POLE: variants seen among roughly 807,000 people sequenced by gnomAD.
POLE encodes DNA polymerase epsilon catalytic subunit A.
A neutral mutation model predicts 279.2 loss-of-function variants in POLE; 188 were observed. The ratio of observed to expected loss-of-function variants is 0.67; its 90% confidence interval spans 0.60 to 0.76. The LOEUF (loss-of-function observed/expected upper bound fraction) is 0.76, where lower values mean the gene tolerates loss of function less well. Ranked by LOEUF, POLE falls within the 30% of genes least tolerant of loss-of-function variation. The pLI, the probability that POLE is intolerant of heterozygous loss-of-function variation, is 0.00. For synonymous variants in POLE, 1,214 were observed against 1,172.5 expected, an observed-to-expected ratio of 1.04 and a Z score of -0.72; for missense variants, 2,703 against 3,016.7, an observed-to-expected ratio of 0.90 and a Z score of 2.44.
intron 14 of POLE, 33 bp downstream of exon 14, chr12:132,673,131 G>A: frequency 2.2e-6 from 3 of 1,373,362 alleles, no homozygotes; most frequent in Non-Finnish European, 1.0e-6. Flanking sequence ...GGGCTGAGGA[G>A]GCCAGGGTGC....
chr12:132,667,866 G>C (rs1003496947), intron 19 of POLE, among the ~76,000 whole-genome samples: 1 of 152,116 alleles, frequency 6.6e-6, no homozygotes, highest in Non-Finnish European at 1.5e-5. Context: ...CGGATCACTT[G>C]AGCCCAGGAG....
At position 132,639,361 on chromosome 12, in the gene POLE, C is replaced by A. The variant is rs986717247; in HGVS notation, c.5379-63G>T. ...CCTCCCACGCTGCTGCCACGCGGGA[C>A]GCTCCAACTGAAATGGGCACAGGTT... On this transcript the variant is annotated intron_variant, in intron 39 of 48. Coordinates refer to ENST00000320574, the MANE Select transcript of POLE (RefSeq NM_006231.4). This position sits in a 1 kb window ranked among gnomAD's most constrained non-coding sequence, Gnocchi z 4.7. The A allele has an allele frequency of 4.7e-6, 7 of 1,498,856 alleles. No individual in the cohort carries two copies. The highest frequency in any genetic ancestry group is 6.4e-6 in the Non-Finnish European group (7 of 1,089,134). The allele number at this position is 1,498,856 out of a possible 1,614,324, so 92.8% of individuals were successfully genotyped here.
chr12:132,674,199 GAA>G, intron 12 of POLE, among the ~76,000 whole-genome samples: 1 of 104,032 alleles, frequency 9.6e-6, no homozygotes, highest in Non-Finnish European at 1.8e-5. Context: ...ATTAAGAAAA[GAA>G]GGCCCCCCAC....
intron 26 of POLE, among the ~76,000 whole-genome samples, 180 bp downstream of exon 26, chr12:132,659,115 A>T (rs2042618605): frequency 6.6e-6 from 1 of 152,122 alleles, no homozygotes; most frequent in Non-Finnish European, 1.5e-5. Context: ...CACTTATGCC[A>T]TCCCCAAACT....
In POLE at chr12:132,663,988, G is replaced by A; in HGVS notation, c.2706+16C>T. 6.2e-7 allele frequency: 1 copy of A among 1,613,558 alleles called. No homozygotes were observed. The highest frequency in any genetic ancestry group is 8.5e-7 in the Non-Finnish European group (1 of 1,179,978). On this transcript the variant is annotated intron_variant, in intron 23 of 48. Transcript: ENST00000320574. ...CAGGCCAGCCAGAGCTTCAGGACCA[G>A]AGGCCCCAGACTCACCTTGACCATG...
rs202102690 is a variant in POLE, at chr12:132,679,978, A to G, written c.399T>C (p.Thr133=). The G allele has an allele frequency of 2.5e-6, 4 of 1,613,636 alleles. No individual in the cohort carries two copies. Among genetic ancestry groups the G allele is most frequent in the East Asian group, 2.2e-5 (1 of 44,888 alleles). Residue 133 remains threonine (T), a synonymous_variant, in exon 5 of 49, where the codon ACT becomes ACC. Transcript: ENST00000320574. ...KFQGKIAKVE[T]VPKEDLDLPN... ...CCAAGTCCAGATCCTCTTTGGGGACAGTCTCCACTTTTGCAATTTTGCCCT... is the reference window on the plus strand; with the variant it reads ...CCAAGTCCAGATCCTCTTTGGGGACGGTCTCCACTTTTGCAATTTTGCCCT...
rs2135975832 is a variant in POLE at position 132,668,458 on chromosome 12, C to G, written c.2071G>C (p.Glu691Gln). The G allele has an allele frequency of 6.2e-7, 1 of 1,611,472 alleles. No homozygotes were observed. Among genetic ancestry groups the G allele is most frequent in the Non-Finnish European group, 8.5e-7 (1 of 1,178,636 alleles). Residue 691 changes from glutamate to glutamine, a missense_variant, in exon 19 of 49, where the codon GAG becomes CAG. By Grantham distance (29) the Glu-to-Gln change is conservative. Around this residue, in one of 5 missense-constraint regions of POLE, gnomAD observed 1,011 missense variants for 1,111.7 expected, o/e 0.91. Transcript: ENST00000320574. The surrounding 1 kb of genome is among the most constrained non-coding windows in gnomAD (Gnocchi z 4.0). ...SEYHRIQHQL[E>Q]SEKFPPLFPE... ...AACAAGGGGGGGAACTTCTCTGACT[C>G]CAGCTGGTGCTGGATCCGATGGTAT...
At chr12:132,659,986 T>C (rs2042642787) in intron 25 of POLE, 1 of 171,124 alleles carries the variant, frequency 5.8e-6, no homozygotes, top group South Asian at 1.4e-4. Flanking sequence ...CCACCACGCC[T>C]GGCTTGGCTT....
At position 132,624,136 on chromosome 12, in the gene POLE, T is replaced by G; in HGVS notation, c.*561A>C. 1 of 213,744 alleles carries G rather than the reference T, an allele frequency of 4.7e-6. No individual in the cohort carries two copies. The highest frequency in any genetic ancestry group is 9.4e-6 in the Non-Finnish European group (1 of 105,958). 13.2% of individuals were successfully genotyped at this position (213,744 alleles called of 1,614,324 possible). A position where few individuals can be genotyped will look rare whatever the true frequency, so the allele number is the denominator to read the frequency against. ...CAGGGCTCACAAGCCAAAATCCAGA[T>G]TCTCACGGGTTAGGGTCTGGATTCC... On this transcript the variant is annotated 3_prime_UTR_variant, in exon 49 of 49. Transcript: ENST00000320574.
chr12:132,675,666 C>T lies in POLE; in HGVS notation c.1106+69G>A. The T allele has an allele frequency of 1.3e-6, 2 of 1,563,880 alleles. No individual in the cohort carries two copies. Among genetic ancestry groups the T allele is most frequent in the Non-Finnish European group, 1.8e-6 (2 of 1,135,466 alleles). On this transcript the variant is annotated intron_variant, in intron 11 of 48. Coordinates refer to ENST00000320574, the MANE Select transcript of POLE (RefSeq NM_006231.4). The surrounding 1 kb of genome is among the most constrained non-coding windows in gnomAD (Gnocchi z 4.3). ...ACCTCCTAAGTCGACATGGGAAGCG[C>T]CCCTGCACCACGCAACGCCCTCCCT...
chr12:132,646,291 C>G (rs2042282075), intron 32 of POLE, among the ~76,000 whole-genome samples: 1 of 152,026 alleles, frequency 6.6e-6, no homozygotes, highest in Admixed American at 6.6e-5. Flanking sequence ...CAAGAGCACC[C>G]TCCCGGGTGA....
In POLE at chr12:132,642,726, C is replaced by A; in HGVS notation, c.4732G>T (p.Glu1578Ter). The change falls in exon 37 of 49, where the codon GAG becomes TAG. Residue 1578 changes from glutamate to a stop codon, truncating the protein, a stop_gained. Coordinates refer to ENST00000320574, the MANE Select transcript of POLE (RefSeq NM_006231.4). LOFTEE classifies it high-confidence loss of function. Reference sequence around the variant, plus strand: ...GCGATGAGTGTGGGCCCCCGGCGCTCCTCCTGGGTCAAGGCAAAATGGAAG... The same window carrying A: ...GCGATGAGTGTGGGCCCCCGGCGCTACTCCTGGGTCAAGGCAAAATGGAAG... ...IQRFLLAYKE[E>*]RRGPTLIAVQ... 2 of 1,613,420 alleles carry A rather than the reference C, an allele frequency of 1.2e-6. No individual in the cohort carries two copies. Among genetic ancestry groups the A allele is most frequent in the East Asian group, 4.5e-5 (2 of 44,864 alleles).
At chr12:132,625,243 C>G in intron 47 of POLE, 1 of 728,554 alleles carries the variant, frequency 1.4e-6, no homozygotes. Context: ...TCCTCCAGGC[C>G]CTGCTCACTC....
intron 31 of POLE, 92 bp downstream of exon 31, chr12:132,649,214 C>A: frequency 2.6e-6 from 4 of 1,512,244 alleles, no homozygotes; most frequent in Non-Finnish European, 3.6e-6. Flanking sequence ...CCCACTCTAA[C>A]CCTCCCATCC....
chr12:132,624,358 G>A lies in POLE; in HGVS notation c.*339C>T. On this transcript the variant is annotated 3_prime_UTR_variant, in exon 49 of 49. Coordinates refer to ENST00000320574, the MANE Select transcript of POLE (RefSeq NM_006231.4). ...GACAAAGAACTAGGGGCACCTAGAG[G>A]ACGCTCCCACCCCACCAGGTGTGGT... is the stretch of plus-strand genomic sequence containing the variant. 5.0e-6 allele frequency: 2 copies of A among 398,820 alleles called. No individual in the cohort carries two copies. Among genetic ancestry groups the A allele is most frequent in the African/African-American group, 2.0e-5 (1 of 50,740 alleles). 24.7% of individuals were successfully genotyped at this position (398,820 alleles called of 1,614,324 possible). A position where few individuals can be genotyped will look rare whatever the true frequency, so the allele number is the denominator to read the frequency against.
At position 132,626,449 on chromosome 12, in the gene POLE, C is replaced by T. The variant is rs140394551; in HGVS notation, c.6331-132G>A. On this transcript the variant is annotated intron_variant, in intron 45 of 48. Coordinates refer to ENST00000320574, the MANE Select transcript of POLE (RefSeq NM_006231.4). The stretch of plus-strand genomic sequence containing the variant: ...TCCTCCCTTCCTTAGTCCCTTTAGA[C>T]GCCTCAGCTGACTTCTCTACATTAG... 162 of 780,836 alleles carry T rather than the reference C, an allele frequency of 2.1e-4. No homozygotes were observed. The East Asian group carries it at 3.0e-3, about 15-fold the overall frequency. 48.4% of individuals were successfully genotyped at this position (780,836 alleles called of 1,614,324 possible).
At position 132,667,577 on chromosome 12, in the gene POLE, G is replaced by A. The variant is rs751326135; in HGVS notation, c.2245C>T (p.Arg749Trp). Residue 749 changes from arginine to tryptophan, a missense_variant, in exon 20 of 49, where the codon CGG becomes TGG. Arg to Trp is a moderately radical substitution (Grantham distance 101, BLOSUM62 -3). Coordinates refer to ENST00000320574, the MANE Select transcript of POLE (RefSeq NM_006231.4). Reference protein sequence around the residue: ...VEERLTTICQRENSFYVDTVR... With the variant: ...VEERLTTICQWENSFYVDTVR... ...GTGTCCACGTAGAAGGAGTTTTCCC[G>A]CTGGCAGATGGTGGTGAGACGCTCT... 5 of 1,613,850 alleles carry A rather than the reference G, an allele frequency of 3.1e-6. No homozygotes were observed. The highest frequency in any genetic ancestry group is 1.1e-5 in the South Asian group (1 of 91,070).
chr12:132,672,367 A>G, intron 15 of POLE, 45 bp from the exon 16 acceptor site: 1 of 1,471,060 alleles, frequency 6.8e-7, no homozygotes, highest in Non-Finnish European at 9.5e-7. Flanking sequence ...AAACACACCC[A>G]CACTAGCCTG....
rs771794836 is a variant in POLE, at chr12:132,675,683, G to A, written c.1106+52C>T. 18 of 1,571,922 alleles carry A rather than the reference G, an allele frequency of 1.1e-5. No individual in the cohort carries two copies. Among genetic ancestry groups the A allele is most frequent in the East Asian group, 2.2e-5 (1 of 44,674 alleles). ...GGGAAGCGCCCCTGCACCACGCAAC[G>A]CCCTCCCTCTCAAATGCTGCCCAGT... On this transcript the variant is annotated intron_variant, in intron 11 of 48. Coordinates refer to ENST00000320574, the MANE Select transcript of POLE (RefSeq NM_006231.4). The surrounding 1 kb of genome is among the most constrained non-coding windows in gnomAD (Gnocchi z 4.3).
Sources: gnomAD v4.1 joint callset for allele counts (sites outside exome capture counted in the v4.1 genomes callset) on GRCh38, gnomAD v4.1.1 for gene constraint, gnomAD v4.1.1 regional missense constraint, Gnocchi (gnomAD v3.1) non-coding constraint, MANE v1.5 for transcripts, NCBI Gene and HGNC (gene_info 2026-07-23, HGNC 2026-07-21) for gene names.